Variants in TLN2 observed in about 807,000 individuals in gnomAD.
TLN2 encodes talin 2.
TLN2 carries 118 observed loss-of-function variants against 294.7 expected under a neutral mutation model. That is an observed-to-expected ratio of 0.40 (90% CI 0.34 to 0.47). The LOEUF (loss-of-function observed/expected upper bound fraction) is 0.47. TLN2 is among the 20% of genes least tolerant of loss of function. The pLI, the probability that TLN2 is intolerant of heterozygous loss-of-function variation, is 0.84. For synonymous variants in TLN2, 1,431 were observed against 1,304.5 expected (o/e 1.10, Z -2.09); for missense variants, 3,083 against 3,282.2 (o/e 0.94, Z 1.48).
intron 11 of TLN2, among the ~76,000 whole-genome samples, chr15:62,676,747 T>C (rs2056248400): frequency 6.6e-6 from 1 of 152,180 alleles, no homozygotes; most frequent in Non-Finnish European, 1.5e-5. Flanking sequence ...CCCAAGTAGC[T>C]GGGACTACAG....
At chr15:62,640,173 A>G in intron 3 of TLN2, 1 of 455,894 alleles carries the variant, frequency 2.2e-6, no homozygotes, top group South Asian at 1.5e-5. Context: ...CAGAGGAGCT[A>G]CTTCTCTTCC....
intron 1 of TLN2, among the ~76,000 whole-genome samples, chr15:62,454,302 G>C (rs2036331807): frequency 6.6e-6 from 1 of 152,138 alleles, no homozygotes; most frequent in Admixed American, 6.5e-5. Flanking sequence ...GAAGAGGTGA[G>C]GGGGCACTTC....
chr15:62,669,693 T>C (rs2055165987), intron 9 of TLN2, among the ~76,000 whole-genome samples: 1 of 152,162 alleles, frequency 6.6e-6, no homozygotes, highest in African/African-American at 2.4e-5. Context: ...CTTGTATACA[T>C]GTCCCAGATG....
intron 1 of TLN2, among the ~76,000 whole-genome samples, chr15:62,538,287 C>A (rs2140514985): frequency 1.3e-5 from 2 of 152,264 alleles, no homozygotes; most frequent in Admixed American, 1.3e-4. Context: ...ATATCCTCTC[C>A]ATTCTTCCAT....
chr15:62,516,901 T>C (rs1046332814), intron 1 of TLN2, among the ~76,000 whole-genome samples: 4 of 152,182 alleles, frequency 2.6e-5, no homozygotes, highest in African/African-American at 9.7e-5. Flanking sequence ...CTGAGTTTTA[T>C]TGGAAAGGTG....
intron 46 of TLN2, among the ~76,000 whole-genome samples, chr15:62,793,164 T>C (rs902040144): frequency 6.6e-6 from 1 of 152,120 alleles, no homozygotes; most frequent in Non-Finnish European, 1.5e-5. Flanking sequence ...ATCTTTCTTC[T>C]CAAGGAGGCT....
At chr15:62,753,681 TGAC>T in intron 35 of TLN2, 89 bp from the exon 36 acceptor site, 1 of 1,457,014 alleles carries the variant, frequency 6.9e-7, no homozygotes, top group South Asian at 1.5e-5. Context: ...TGCCTGAGTG[TGAC>T]AGCTGCATGT....
chr15:62,750,403 C>T lies in TLN2; in HGVS notation c.4121C>T (p.Thr1374Ile). The T allele has an allele frequency of 6.2e-7, 1 of 1,613,710 alleles. No homozygotes were observed. The highest frequency in any genetic ancestry group is 8.5e-7 in the Non-Finnish European group (1 of 1,179,624). Residue 1374 changes from threonine (T) to isoleucine (I), a missense_variant and splice_region_variant, in exon 34 of 59, where the codon ACT becomes ATT. By Grantham distance (89) the Thr-to-Ile change is moderately conservative. Transcript: ENST00000636159. ...ECDNALRELE[T>I]VKGMLDNPNE... ...TTATGTTGTGTTCTTCTTCTGTAGA[C>T]TGTGAAGGGGATGTTGGACAATCCT...
At chr15:62,621,215 C>A (rs182788642) in intron 3 of TLN2, among the ~76,000 whole-genome samples, 1 of 152,072 alleles carries the variant, frequency 6.6e-6, no homozygotes, top group Non-Finnish European at 1.5e-5. Context: ...TATTTGTTTA[C>A]CTTTGTCAGC....
At chr15:62,665,116 A>T (rs2054446175) in intron 9 of TLN2, among the ~76,000 whole-genome samples, 1 of 152,110 alleles carries the variant, frequency 6.6e-6, no homozygotes, top group African/African-American at 2.4e-5. Flanking sequence ...TCTGTCACCC[A>T]GGCTGGAGTG....
rs1057460564 is a variant in TLN2 at position 62,800,392 on chromosome 15, G to T, written c.6259G>T (p.Asp2087Tyr). 9 of 1,614,022 alleles carry T rather than the reference G, an allele frequency of 5.6e-6. No individual in the cohort carries two copies. Among genetic ancestry groups the T allele is most frequent in the Non-Finnish European group, 6.8e-6 (8 of 1,180,038 alleles). ...TQVVLINAIK[D>Y]VAKALSDLIS... ...GGTGGTTTTGATCAATGCCATCAAA[G>T]ATGTGGCCAAGGCCCTTTCTGATCT... is the stretch of plus-strand genomic sequence containing the variant. The change falls in exon 49 of 59, where the codon GAT becomes TAT. Residue 2087 changes from aspartate to tyrosine, a missense_variant. By Grantham distance (160) the Asp-to-Tyr change is radical. Coordinates refer to ENST00000636159, the MANE Select transcript of TLN2 (RefSeq NM_015059.3).
intron 52 of TLN2, among the ~76,000 whole-genome samples, chr15:62,812,008 T>C (rs1019718336): frequency 1.2e-5 from 1 of 82,352 alleles, no homozygotes; most frequent in Non-Finnish European, 2.3e-5. Context: ...CAAGACTCCA[T>C]CTCAATAAAT....
rs10775181 is a variant in TLN2 at position 62,722,349 on chromosome 15, A to G, written c.2992-4A>G. ...CATCTTACTTTCTTTTCATCTCTCT[A>G]TAGCCTGGAAGCAAGATGGTGTCCT... On this transcript the variant is annotated splice_polypyrimidine_tract_variant and splice_region_variant and intron_variant, in intron 25 of 58. Coordinates refer to ENST00000636159, the MANE Select transcript of TLN2 (RefSeq NM_015059.3). 1,513,674 of 1,604,588 alleles carry G rather than the reference A, an allele frequency of 0.94. 718,230 individuals carry two copies. The highest frequency in any genetic ancestry group is 0.97 in the South Asian group (87,318 of 90,198).
At chr15:62,682,993 A>G (rs1394239733) in intron 11 of TLN2, 1 of 152,248 alleles carries the variant, frequency 6.6e-6, no homozygotes, top group Non-Finnish European at 1.5e-5. Flanking sequence ...ACTTGCAGGG[A>G]GAGAAATGGC....
chr15:62,799,220 T>C (rs2065753085), intron 48 of TLN2, among the ~76,000 whole-genome samples: 1 of 151,892 alleles, frequency 6.6e-6, no homozygotes, highest in Admixed American at 6.6e-5. Flanking sequence ...GCTCTGGGAG[T>C]GTGGACATAA....
At chr15:62,636,485 T>C (rs1379609312) in intron 3 of TLN2, among the ~76,000 whole-genome samples, 1 of 152,226 alleles carries the variant, frequency 6.6e-6, no homozygotes, top group Non-Finnish European at 1.5e-5. Flanking sequence ...TCTCCAAATA[T>C]ATGCCAGATT....
chr15:62,541,303 G>A (rs1185739840), intron 1 of TLN2, among the ~76,000 whole-genome samples: 1 of 152,178 alleles, frequency 6.6e-6, no homozygotes, highest in Non-Finnish European at 1.5e-5. Context: ...TAAATATCTT[G>A]TATTGACTAT....
rs544299687 is a variant in TLN2 at position 62,752,381 on chromosome 15, G to C, written c.4286G>C (p.Gly1429Ala). Residue 1429 changes from glycine to alanine, a missense_variant, in exon 35 of 59, where the codon GGG becomes GCG. Coordinates refer to ENST00000636159, the MANE Select transcript of TLN2 (RefSeq NM_015059.3). ...CTCCCTGCCTTTGGGGAATGTGTGG[G>C]GATTGCATCCAAGGCTCTCTGTGGG... ...GDLPAFGECV[G>A]IASKALCGLT... 1 of 1,614,148 alleles carries C rather than the reference G, an allele frequency of 6.2e-7. No homozygotes were observed. The highest frequency in any genetic ancestry group is 8.5e-7 in the Non-Finnish European group (1 of 1,180,030).
In TLN2 at chr15:62,581,353, G is replaced by A. The variant is rs569276497; in HGVS notation, c.-237-8334G>A. ...GCGCTTTTCTTTTTAGCACTGAATA[G>A]TATTCTATTGTGTACATGTACCTTC... On this transcript the variant is annotated intron_variant, in intron 1 of 58. Coordinates refer to ENST00000636159, the MANE Select transcript of TLN2 (RefSeq NM_015059.3). 4.6e-5 allele frequency among the ~76,000 whole-genome samples: 7 copies of A among 152,258 alleles called. No homozygotes were observed. In the South Asian group the frequency reaches 1.5e-3, roughly 32 times the overall value.
Sources: allele counts gnomAD v4.1 joint callset (sites outside exome capture counted in the v4.1 genomes callset), GRCh38; gene constraint gnomAD v4.1.1; transcripts MANE v1.5; gene names NCBI Gene and HGNC (gene_info 2026-07-23, HGNC 2026-07-21).